The following TMEM94 variants were observed in gnomAD, a reference collection of about 807,000 sequenced individuals.
The protein encoded by TMEM94 is ER Mg2+ ATPase.
TMEM94 carries 81 observed loss-of-function variants against 158.6 expected under a neutral mutation model. The observed-to-expected ratio is 0.51, with a 90% CI of 0.43 to 0.61. The LOEUF is 0.61. Among genes scored for constraint, TMEM94 ranks in the 20% least tolerant of loss-of-function variants. TMEM94 has a pLI of 0.00. For missense variants in TMEM94, 1,435 were observed against 1,762.0 expected (o/e 0.81, Z 3.32); for synonymous variants, 751 against 730.7 (o/e 1.03, Z -0.45).
intron 1 of TMEM94, among the ~76,000 whole-genome samples, chr17:75,464,586 T>TTTTCTTTC (rs1203434680): frequency 1.6e-5 from 1 of 63,984 alleles, no homozygotes; most frequent in East Asian, 2.6e-4. Flanking sequence ...TATTTTTTCA[T>TTTTCTTTC]TTTCTTTCTT....
intron 2 of TMEM94, among the ~76,000 whole-genome samples, chr17:75,474,731 A>T (rs2050614629): frequency 6.6e-6 from 1 of 152,190 alleles, no homozygotes; most frequent in Non-Finnish European, 1.5e-5. Context: ...CATAGTGGTC[A>T]TTGATGGTAG....
chr17:75,490,893 C>A, intron 11 of TMEM94, 135 bp downstream of exon 11: 1 of 972,030 alleles, frequency 1.0e-6, no homozygotes. Context: ...TGGACATAAC[C>A]TGGACCTGTT....
At chr17:75,465,679 A>ATATATATATATATTTTT (rs1247855961) in intron 1 of TMEM94, among the ~76,000 whole-genome samples, 5 of 124,848 alleles carry the variant, frequency 4.0e-5, no homozygotes, top group Admixed American at 8.2e-5. Context: ...ATATATATAT[A>ATATATATATATATTTTT]TTTTTTTTTA....
chr17:75,486,058 A>G, intron 4 of TMEM94, 60 bp downstream of exon 4: 1 of 1,539,010 alleles, frequency 6.5e-7, no homozygotes, highest in Non-Finnish European at 8.7e-7. Context: ...CTGCCGCGGC[A>G]CCTGGGACAG....
chr17:75,461,787 G>A (rs560874929), intron 1 of TMEM94, among the ~76,000 whole-genome samples: 3 of 151,094 alleles, frequency 2.0e-5, no homozygotes, highest in East Asian at 2.0e-4. Flanking sequence ...GGTGGCGGGC[G>A]CCTGCAGTCC....
chr17:75,472,141 A>G (rs2050523901), intron 2 of TMEM94, among the ~76,000 whole-genome samples: 1 of 152,234 alleles, frequency 6.6e-6, no homozygotes, highest in South Asian at 2.1e-4. Context: ...AGGTGGACCT[A>G]TTAACACAAC....
chr17:75,484,377 C>G (rs1018617197), intron 2 of TMEM94, among the ~76,000 whole-genome samples: 1 of 138,706 alleles, frequency 7.2e-6, no homozygotes, highest in Non-Finnish European at 1.5e-5. Context: ...TTCCTAGGAA[C>G]AGTGAAATGC....
At chr17:75,480,345 A>G (rs1657015396) in intron 2 of TMEM94, among the ~76,000 whole-genome samples, 2 of 152,260 alleles carry the variant, frequency 1.3e-5, no homozygotes, top group Admixed American at 1.3e-4. Context: ...TTTAATCACC[A>G]GTCTGGAGCT....
intron 1 of TMEM94, among the ~76,000 whole-genome samples, chr17:75,458,183 T>C (rs999824545): frequency 2.0e-5 from 3 of 151,936 alleles, no homozygotes; most frequent in African/African-American, 7.3e-5. Flanking sequence ...ACAGTGTCAT[T>C]AGAGATGTTA....
rs781644130 is a variant in TMEM94, at chr17:75,491,671, G to T, written c.1387-20G>T. On this transcript the variant is annotated intron_variant, in intron 13 of 31. Coordinates refer to ENST00000314256, the MANE Select transcript of TMEM94 (RefSeq NM_014738.6). The surrounding 1 kb of genome is among the most constrained non-coding windows in gnomAD (Gnocchi z 5.1). ...CCATGGGAGCCACTGGTCCTAGCCTGTGCTCCTCATTCTCTTCAGCCCCAT... is the reference window on the plus strand; with the variant it reads ...CCATGGGAGCCACTGGTCCTAGCCTTTGCTCCTCATTCTCTTCAGCCCCAT... The T allele has an allele frequency of 2.5e-6, 4 of 1,612,748 alleles. No homozygotes were observed. The East Asian group carries it at 8.9e-5, about 36-fold the overall frequency.
At position 75,485,013 on chromosome 17, in the gene TMEM94, A is replaced by G. The variant is rs2051472708; in HGVS notation, c.25-415A>G. ...AGATCGTGCCACTGCACTCCAGCCTAGGAGACTAAGCAAGACTCTATCTAA... is the reference window on the plus strand; with the variant it reads ...AGATCGTGCCACTGCACTCCAGCCTGGGAGACTAAGCAAGACTCTATCTAA... On this transcript the variant is annotated intron_variant, in intron 2 of 31. Coordinates refer to ENST00000314256, the MANE Select transcript of TMEM94 (RefSeq NM_014738.6). The surrounding 1 kb of genome is among the most constrained non-coding windows in gnomAD (Gnocchi z 5.5). 1.3e-5 allele frequency among the ~76,000 whole-genome samples: 2 copies of G among 151,432 alleles called. No individual in the cohort carries two copies. Among genetic ancestry groups the G allele is most frequent in the African/African-American group, 4.8e-5 (2 of 41,252 alleles).
rs1311901476 is a variant in TMEM94 at position 75,463,170 on chromosome 17, G to GTATATATA, written c.-107+6420_-107+6421insATATATAT. On this transcript the variant is annotated intron_variant, in intron 1 of 31. Coordinates refer to ENST00000314256, the MANE Select transcript of TMEM94 (RefSeq NM_014738.6). ...TATACACGTATATATATGTGTGTGT[G>GTATATATA]TGTGTGTGTATATATATATATATAT... Among the ~76,000 whole-genome samples, 19 of 4,832 alleles carry GTATATATA rather than the reference G, an allele frequency of 3.9e-3. 2 individuals are homozygous for GTATATATA. The highest frequency in any genetic ancestry group is 0.023 in the African/African-American group (19 of 840). 3.2% of individuals were successfully genotyped at this position (4,832 alleles called of 152,430 possible).
intron 1 of TMEM94, among the ~76,000 whole-genome samples, chr17:75,465,676 TATA>T (rs1567908118): frequency 3.5e-5 from 3 of 85,120 alleles, no homozygotes; most frequent in African/African-American, 1.1e-4. Flanking sequence ...TATATATATA[TATA>T]TTTTTTTTTA....
chr17:75,492,076 G>A lies in TMEM94; in HGVS notation c.1596+176G>A. The A allele has an allele frequency of 2.5e-6, 2 of 789,318 alleles. No individual in the cohort carries two copies. The highest frequency in any genetic ancestry group is 3.7e-5 in the South Asian group (2 of 54,344). 48.9% of individuals were successfully genotyped at this position (789,318 alleles called of 1,614,324 possible). A position where few individuals can be genotyped will look rare whatever the true frequency, so the allele number is the denominator to read the frequency against. ...CCTCCCCAAGTCTGCTGCGAAGTAGGTGGAGCCTCCCCCTACCCTTCCATT... is the reference window on the plus strand; with the variant it reads ...CCTCCCCAAGTCTGCTGCGAAGTAGATGGAGCCTCCCCCTACCCTTCCATT... On this transcript the variant is annotated intron_variant, in intron 14 of 31. Coordinates refer to ENST00000314256, the MANE Select transcript of TMEM94 (RefSeq NM_014738.6). The surrounding 1 kb of genome is among the most constrained non-coding windows in gnomAD (Gnocchi z 4.4).
rs190779351 is a variant in TMEM94 at position 75,477,900 on chromosome 17, T to C, written c.24+5971T>C. On this transcript the variant is annotated intron_variant, in intron 2 of 31. Coordinates refer to ENST00000314256, the MANE Select transcript of TMEM94 (RefSeq NM_014738.6). ...GGCGCATGCCTGTAGTCCCAGCTAC[T>C]CTGGAGGCTGAGGCGGGAGAATCGC... is the stretch of plus-strand genomic sequence containing the variant. Among the ~76,000 whole-genome samples the C allele has an allele frequency of 7.9e-4, 118 of 148,956 alleles. No individual in the cohort carries two copies. The Middle Eastern group carries it at 0.01, about 13-fold the overall frequency.
chr17:75,499,215 G>A (rs758707983), intron 31 of TMEM94, 47 bp from the exon 32 acceptor site: 34 of 1,610,478 alleles, frequency 2.1e-5, no homozygotes, highest in Non-Finnish European at 2.9e-5. Context: ...CCGGCCCCTG[G>A]TCTAAGGATC....
intron 1 of TMEM94, among the ~76,000 whole-genome samples, chr17:75,457,904 C>T (rs769613943): frequency 4.6e-5 from 7 of 152,054 alleles, no homozygotes; most frequent in Non-Finnish European, 8.8e-5. Flanking sequence ...CTCCCCTGAG[C>T]TCTTGCAGGG....
rs2051548295 is a variant in TMEM94, at chr17:75,485,831, A to G, written c.145-40A>G. 2 of 1,579,996 alleles carry G rather than the reference A, an allele frequency of 1.3e-6. No individual in the cohort carries two copies. Among genetic ancestry groups the G allele is most frequent in the Non-Finnish European group, 1.7e-6 (2 of 1,160,334 alleles). On this transcript the variant is annotated intron_variant, in intron 3 of 31. Transcript: ENST00000314256. This position sits in a 1 kb window ranked among gnomAD's most constrained non-coding sequence, Gnocchi z 5.5. Reference sequence around the variant, plus strand: ...GGGGAGGCAGCCAGATTGGAGTGGGACAGGCCTCTCATTGTCCCCTCCCTG... The same window carrying G: ...GGGGAGGCAGCCAGATTGGAGTGGGGCAGGCCTCTCATTGTCCCCTCCCTG...
In TMEM94 at chr17:75,467,520, CTTTTTTTTTTTT is replaced by C. The variant is rs947595391; in HGVS notation, c.-106-4268_-106-4257del. Among the ~76,000 whole-genome samples the C allele has an allele frequency of 2.1e-4, 21 of 99,136 alleles. No homozygotes were observed. The South Asian group carries it at 3.4e-3, about 16-fold the overall frequency. 65.0% of individuals were successfully genotyped at this position (99,136 alleles called of 152,430 possible). On this transcript the variant is annotated intron_variant, in intron 1 of 31. Coordinates refer to ENST00000314256, the MANE Select transcript of TMEM94 (RefSeq NM_014738.6). ...ATCATTATGCCATCCATTTCTTTTTCTTTTTTTTTTTTTTTTTTTTTTTGAGACGGAGTCTCG... is the reference window on the plus strand; with the variant it reads ...ATCATTATGCCATCCATTTCTTTTTCTTTTTTTTTTTGAGACGGAGTCTCG...
Sources: gnomAD v4.1 joint callset for allele counts (sites outside exome capture counted in the v4.1 genomes callset) on GRCh38, gnomAD v4.1.1 for gene constraint, Gnocchi (gnomAD v3.1) non-coding constraint, MANE v1.5 for transcripts, NCBI Gene and HGNC (gene_info 2026-07-23, HGNC 2026-07-21) for gene names.